CPAMD8: variants seen among roughly 807,000 people sequenced by gnomAD.
The protein encoded by CPAMD8 is C3 and PZP-like alpha-2-macroglobulin domain-containing protein 8.
CPAMD8 carries 146 observed loss-of-function variants against 224.7 expected under a neutral mutation model. That is an observed-to-expected ratio of 0.65 (90% confidence interval 0.57 to 0.75). The LOEUF is 0.75. Ranked by LOEUF, CPAMD8 falls within the 30% of genes least tolerant of loss-of-function variation. The pLI is 0.00. For synonymous variants in CPAMD8, 966 were observed against 1,044.6 expected (o/e 0.92, Z 1.45); for missense variants, 2,301 against 2,537.5 (o/e 0.91, Z 2.00).
chr19:16,953,035 G>C (rs1418671407), intron 19 of CPAMD8, among the ~76,000 whole-genome samples: 3 of 152,040 alleles, frequency 2.0e-5, no homozygotes, highest in Non-Finnish European at 4.4e-5. Flanking sequence ...CAGACCAATG[G>C]AATCAAATAG....
chr19:16,915,771 C>G (rs2052927180), intron 27 of CPAMD8, among the ~76,000 whole-genome samples: 1 of 152,150 alleles, frequency 6.6e-6, no homozygotes, highest in South Asian at 2.1e-4. Context: ...GCTCTAGGCT[C>G]TTTATATGAA....
intron 23 of CPAMD8, among the ~76,000 whole-genome samples, chr19:16,937,743 C>T (rs538136498): frequency 1.3e-5 from 2 of 151,634 alleles, no homozygotes; most frequent in South Asian, 4.2e-4. Flanking sequence ...ACCTCCGCCT[C>T]CCCGGTTCAA....
rs563528258 is a variant in CPAMD8 at position 17,008,963 on chromosome 19, C to T, written c.504+340G>A. On this transcript the variant is annotated intron_variant, in intron 6 of 41. Transcript: ENST00000443236. ...AAAAAAAAATTAGCTGGGTGTGGTG[C>T]CATACGCCTGTAGTCTCAGCTACTC... Among the ~76,000 whole-genome samples the T allele has an allele frequency of 4.6e-5, 7 of 152,032 alleles. No individual in the cohort carries two copies. In the East Asian group the frequency reaches 1.2e-3, roughly 25 times the overall value.
intron 14 of CPAMD8, among the ~76,000 whole-genome samples, chr19:16,979,547 C>T (rs372788709): frequency 6.6e-6 from 1 of 151,422 alleles, no homozygotes; most frequent in Non-Finnish European, 1.5e-5. Context: ...TCCATTCATC[C>T]ATCTATCCAC....
At chr19:16,965,086 C>T (rs903012138) in intron 18 of CPAMD8, among the ~76,000 whole-genome samples, 1 of 152,092 alleles carries the variant, frequency 6.6e-6, no homozygotes, top group South Asian at 2.1e-4. Flanking sequence ...CGGTGATACC[C>T]TGTCTCTACT....
rs1402652728 is a variant in CPAMD8 at position 16,898,736 on chromosome 19, A to G, written c.4848+739T>C. Among the ~76,000 whole-genome samples, 3 of 152,042 alleles carry G rather than the reference A, an allele frequency of 2.0e-5. No homozygotes were observed. The highest frequency in any genetic ancestry group is 2.0e-4 in the Admixed American group (3 of 15,264). The stretch of plus-strand genomic sequence containing the variant: ...TTGTGTCTGGCTTCTTTCACTCAGC[A>G]TCATGTTTCTGAGGTTCATCCATGC... On this transcript the variant is annotated intron_variant, in intron 37 of 41. Transcript: ENST00000443236. This position sits in a 1 kb window ranked among gnomAD's most constrained non-coding sequence, Gnocchi z 4.2.
At chr19:16,943,227 G>C (rs2053964320) in intron 22 of CPAMD8, among the ~76,000 whole-genome samples, 1 of 151,588 alleles carries the variant, frequency 6.6e-6, no homozygotes, top group Admixed American at 6.6e-5. Context: ...TGTTGCCCAG[G>C]CTGGTCTCAA....
chr19:16,976,241 C>G, intron 15 of CPAMD8, 90 bp from the exon 16 acceptor site: 2 of 1,074,488 alleles, frequency 1.9e-6, no homozygotes, highest in South Asian at 3.2e-5. Flanking sequence ...TTTGGGAGGC[C>G]GAGGCGGGTG....
intron 20 of CPAMD8, among the ~76,000 whole-genome samples, chr19:16,948,643 A>G (rs2122301712): frequency 6.6e-6 from 1 of 151,732 alleles, no homozygotes; most frequent in African/African-American, 2.4e-5. Context: ...GCTGAGGCAG[A>G]GGAATCCTTG....
chr19:17,015,727 G>A (rs1568606135), intron 3 of CPAMD8, among the ~76,000 whole-genome samples: 1 of 152,198 alleles, frequency 6.6e-6, no homozygotes, highest in Non-Finnish European at 1.5e-5. Flanking sequence ...GAAGAGGGAG[G>A]AAAGGTCCCG....
chr19:16,952,098 G>A lies in CPAMD8; in HGVS notation c.2379C>T (p.Ile793=), dbSNP rs777147887. 47 of 1,555,822 alleles carry A rather than the reference G, an allele frequency of 3.0e-5. No homozygotes were observed. The Middle Eastern group carries it at 1.3e-3, about 44-fold the overall frequency. Reference sequence around the variant, plus strand: ...AGGTCTTCAGCAGGGAGGGCTCGGCGATGCCTAAGCCCTGAGAGGTGGACA... The same window carrying A: ...AGGTCTTCAGCAGGGAGGGCTCGGCAATGCCTAAGCCCTGAGAGGTGGACA... ...VALSTSQGLG[I]AEPSLLKTFK... is the part of the protein sequence containing the mutation. The change falls in exon 20 of 42, where the codon ATC becomes ATT. Residue 793 remains isoleucine (I), a synonymous_variant. Coordinates refer to ENST00000443236, the MANE Select transcript of CPAMD8 (RefSeq NM_015692.5).
chr19:16,943,768 C>T (rs968766361), intron 22 of CPAMD8, among the ~76,000 whole-genome samples: 4 of 152,166 alleles, frequency 2.6e-5, no homozygotes, highest in African/African-American at 9.7e-5. Flanking sequence ...AGTAGACAGG[C>T]CAGATACCAT....
rs375744110 is a variant in CPAMD8 at position 16,980,525 on chromosome 19, C to A, written c.1557G>T (p.Pro519=). 8.7e-6 allele frequency: 14 copies of A among 1,613,828 alleles called. 1 individual carries two copies. Among genetic ancestry groups the A allele is most frequent in the Middle Eastern group, 1.7e-4 (1 of 5,920 alleles). The change falls in exon 14 of 42, where the codon CCG becomes CCT. Residue 519 remains proline (P), a synonymous_variant. Coordinates refer to ENST00000443236, the MANE Select transcript of CPAMD8 (RefSeq NM_015692.5). The part of the protein sequence containing the change: ...SKRAAPALEK[P]IRLTHLSETE... The stretch of plus-strand genomic sequence containing the variant: ...TCTCAGAAAGGTGTGTTAAACGAAT[C>A]GGTTTCTCCAGGGCAGGGGCCGCCC...
At chr19:16,993,650 G>A in intron 11 of CPAMD8, 64 bp from the exon 12 acceptor site, 4 of 1,453,496 alleles carry the variant, frequency 2.8e-6, no homozygotes, top group Non-Finnish European at 3.8e-6. Flanking sequence ...CTGATCTGCA[G>A]AATCAACGCA....
intron 12 of CPAMD8, among the ~76,000 whole-genome samples, chr19:16,990,863 CAAAAAAAAAAAAAA>C (rs3067791): frequency 8.2e-5 from 6 of 73,142 alleles, no homozygotes; most frequent in Admixed American, 6.5e-4. Flanking sequence ...AACTCTGTCT[CAAAAAAAAAAAAAA>C]AAAAAAAAAA....
chr19:16,908,688 T>G (rs1258152545), intron 29 of CPAMD8, among the ~76,000 whole-genome samples: 2 of 152,234 alleles, frequency 1.3e-5, no homozygotes, highest in African/African-American at 4.8e-5. Context: ...GTCCTGGTCA[T>G]AGAAAGAATG....
intron 22 of CPAMD8, among the ~76,000 whole-genome samples, chr19:16,938,959 C>G (rs1269523059): frequency 6.6e-6 from 1 of 152,088 alleles, no homozygotes; most frequent in Non-Finnish European, 1.5e-5. Context: ...ATGGATGACC[C>G]CAAATACCAG....
At chr19:16,904,129 G>C in intron 32 of CPAMD8, 97 bp downstream of exon 32, 1 of 1,335,722 alleles carries the variant, frequency 7.5e-7, no homozygotes, top group South Asian at 1.4e-5. Flanking sequence ...GGTGAGAAGG[G>C]GCCAGACTGC....
At chr19:17,021,720 C>G (rs1043469110) in intron 2 of CPAMD8, among the ~76,000 whole-genome samples, 1 of 152,228 alleles carries the variant, frequency 6.6e-6, no homozygotes. Flanking sequence ...TGATCTCCTT[C>G]AGGTCCCCTG....
Sources: allele counts gnomAD v4.1 joint callset (sites outside exome capture counted in the v4.1 genomes callset), GRCh38; gene constraint gnomAD v4.1.1; non-coding constraint Gnocchi (gnomAD v3.1); transcripts MANE v1.5; gene names NCBI Gene and HGNC (gene_info 2026-07-23, HGNC 2026-07-21).